FGF14: variants seen among roughly 807,000 people sequenced by gnomAD.
The protein encoded by FGF14 is fibroblast growth factor 14, also known as fibroblast growth factor homologous factor 4.
Under a neutral mutation model 25.5 loss-of-function variants are expected in FGF14, and 5 were observed. The ratio of observed to expected loss-of-function variants is 0.20; its 90% CI spans 0.10 to 0.41. The LOEUF is 0.41. Among genes scored for constraint, FGF14 ranks in the 10% least tolerant of loss-of-function variants. The pLI is 1.00. For missense variants in FGF14, 222 were observed against 320.1 expected, an observed-to-expected ratio of 0.69 and a Z score of 2.34; for synonymous variants, 138 against 118.3, an observed-to-expected ratio of 1.17 and a Z score of -1.08.
In FGF14 at chr13:102,155,171, C is replaced by A. The variant is rs551633575; in HGVS notation, c.208+246300G>T. On this transcript the variant is annotated intron_variant, in intron 1 of 4. Transcript: ENST00000376131. ...CTCTGCACCAAGCAGACCTAATAGACAACTACAGTACTCTCCATCCCAAAT... is the reference window on the plus strand; with the variant it reads ...CTCTGCACCAAGCAGACCTAATAGAAAACTACAGTACTCTCCATCCCAAAT... 2.6e-4 allele frequency among the ~76,000 whole-genome samples: 40 copies of A among 152,338 alleles called. 1 individual carries two copies. In the South Asian group the frequency reaches 7.9e-3, roughly 30 times the overall value.
intron 1 of FGF14, among the ~76,000 whole-genome samples, chr13:102,065,329 T>A (rs1484018454): frequency 6.6e-6 from 1 of 152,118 alleles, no homozygotes; most frequent in Non-Finnish European, 1.5e-5. Context: ...AGGAGCTCAA[T>A]CAAATGGAGC....
chr13:102,388,578 A>G (rs1441439226), intron 1 of FGF14, among the ~76,000 whole-genome samples: 3 of 152,128 alleles, frequency 2.0e-5, no homozygotes, highest in Admixed American at 6.5e-5. Flanking sequence ...CTGGCCCACA[A>G]TTTCTCAACG....
chr13:102,039,726 G>A (rs2041642309), intron 1 of FGF14, among the ~76,000 whole-genome samples: 1 of 152,042 alleles, frequency 6.6e-6, no homozygotes, highest in Non-Finnish European at 1.5e-5. Flanking sequence ...ACATTAATAG[G>A]CACCAGAGGT....
At chr13:101,829,429 C>CAGG (rs1311857316) in intron 3 of FGF14, among the ~76,000 whole-genome samples, 3 of 152,000 alleles carry the variant, frequency 2.0e-5, no homozygotes, top group Admixed American at 1.3e-4. Context: ...AGCCTGAAAA[C>CAGG]AGGAGTTTTA....
At chr13:102,253,677 C>T (rs1046463599) in intron 1 of FGF14, among the ~76,000 whole-genome samples, 4 of 152,054 alleles carry the variant, frequency 2.6e-5, no homozygotes, top group African/African-American at 9.7e-5. Context: ...TAATAAGATC[C>T]CATGTGTCTA....
At chr13:101,751,230 G>A (rs1046855608) in intron 3 of FGF14, among the ~76,000 whole-genome samples, 23 of 151,980 alleles carry the variant, frequency 1.5e-4, no homozygotes, top group Non-Finnish European at 3.2e-4. Context: ...ATATTGGCTC[G>A]TTCATTATAA....
chr13:102,091,391 G>T (rs1028135993), intron 1 of FGF14, among the ~76,000 whole-genome samples: 1 of 152,136 alleles, frequency 6.6e-6, no homozygotes, highest in Non-Finnish European at 1.5e-5. Context: ...GCCCCTTCCT[G>T]TGTCCCTCTA....
chr13:102,358,210 T>C (rs2057469823), intron 1 of FGF14, among the ~76,000 whole-genome samples: 1 of 152,204 alleles, frequency 6.6e-6, no homozygotes, highest in South Asian at 2.1e-4. Flanking sequence ...ATATGAATCA[T>C]TAACAAAAAT....
At chr13:101,919,054 TGA>T (rs1273765854), upstream of FGF14, among the ~76,000 whole-genome samples, 2 of 152,180 alleles carry the variant, frequency 1.3e-5, no homozygotes, top group African/African-American at 4.8e-5. Flanking sequence ...CATTTTTTTG[TGA>T]GTGTGCATTT....
intron 1 of FGF14, among the ~76,000 whole-genome samples, chr13:102,102,692 T>A (rs895846321): frequency 6.6e-6 from 1 of 152,222 alleles, no homozygotes; most frequent in Non-Finnish European, 1.5e-5. Context: ...ATAGTTTGAA[T>A]ATGTATTCAT....
intron 3 of FGF14, among the ~76,000 whole-genome samples, chr13:101,777,012 A>G (rs1480929542): frequency 3.3e-5 from 5 of 151,970 alleles, no homozygotes; most frequent in South Asian, 4.2e-4. Flanking sequence ...GACCTAATCA[A>G]CTCCCAAAGA....
chr13:102,304,051 A>T (rs557298212), intron 1 of FGF14, among the ~76,000 whole-genome samples: 1 of 152,232 alleles, frequency 6.6e-6, no homozygotes, highest in South Asian at 2.1e-4. Flanking sequence ...GCAAATGTTC[A>T]AGTTATTAAA....
intron 1 of FGF14, among the ~76,000 whole-genome samples, chr13:102,291,795 A>G (rs1206359258): frequency 6.6e-6 from 1 of 152,088 alleles, no homozygotes; most frequent in Non-Finnish European, 1.5e-5. Context: ...AGGTGTCTGC[A>G]CCTCTGCCCT....
chr13:101,992,870 A>T (rs1414145785), intron 1 of FGF14, among the ~76,000 whole-genome samples: 1 of 152,178 alleles, frequency 6.6e-6, no homozygotes, highest in Non-Finnish European at 1.5e-5. Context: ...CATTTTTGGA[A>T]TAGCAAAAGG....
At chr13:102,234,257 C>G (rs961174086) in intron 1 of FGF14, among the ~76,000 whole-genome samples, 8 of 146,170 alleles carry the variant, frequency 5.5e-5, no homozygotes, top group Non-Finnish European at 6.0e-5. Context: ...TGGAAATATA[C>G]ACTTAAATGT....
intron 1 of FGF14, among the ~76,000 whole-genome samples, chr13:102,279,728 T>A (rs945622): frequency 0.62 from 93,282 of 151,054 alleles, 29,315 homozygotes; most frequent in African/African-American, 0.74. Flanking sequence ...TAAAAAAAAA[T>A]TGAACCCTTC....
intron 3 of FGF14, among the ~76,000 whole-genome samples, chr13:101,820,964 T>G (rs2042109518): frequency 6.6e-6 from 1 of 151,786 alleles, no homozygotes; most frequent in African/African-American, 2.4e-5. Context: ...CTTTTTTTTT[T>G]TTTGAGACAG....
rs767511135 is a variant in FGF14 at position 101,717,596 on chromosome 13, C to A, written c.*5235G>T. ...TGACCTTTGGATTTCTCTATCACGG[C>A]GCTTATCCTCCTATTAAGGATCAGA... On this transcript the variant is annotated 3_prime_UTR_variant, in exon 5 of 5. Transcript: ENST00000376143. 6.6e-6 allele frequency: 1 copy of A among 152,098 alleles called. No homozygotes were observed. Among genetic ancestry groups the A allele is most frequent in the Non-Finnish European group, 1.5e-5 (1 of 68,002 alleles). The allele number at this position is 152,098 out of a possible 1,614,324, so 9.4% of individuals were successfully genotyped here. A position where few individuals can be genotyped will look rare whatever the true frequency, so the allele number is the denominator to read the frequency against.
intron 1 of FGF14, among the ~76,000 whole-genome samples, chr13:102,276,648 T>G (rs2053566401): frequency 6.6e-6 from 1 of 152,104 alleles, no homozygotes; most frequent in African/African-American, 2.4e-5. Flanking sequence ...CGGTATGCAG[T>G]CTTCTTTCTG....
Sources: gnomAD v4.1 joint callset for allele counts (sites outside exome capture counted in the v4.1 genomes callset) on GRCh38, gnomAD v4.1.1 for gene constraint, MANE v1.5 for transcripts, NCBI Gene and HGNC (gene_info 2026-07-23, HGNC 2026-07-21) for gene names.